Variants in NOL8 observed in about 807,000 individuals in gnomAD.
NOL8 encodes the protein nucleolar protein 8.
A neutral mutation model predicts 116.1 loss-of-function variants in NOL8; 93 were observed. The ratio of observed to expected loss-of-function variants is 0.80; its 90% confidence interval spans 0.68 to 0.95. The LOEUF (loss-of-function observed/expected upper bound fraction) is 0.95. Ranked by LOEUF, NOL8 falls within the 40% of genes least tolerant of loss-of-function variation. The pLI is 0.00. For synonymous variants in NOL8, 419 were observed against 469.0 expected, an observed-to-expected ratio of 0.89 and a Z score of 1.38; for missense variants, 1,291 against 1,382.8, an observed-to-expected ratio of 0.93 and a Z score of 1.05.
intron 5 of NOL8, 41 bp from the exon 6 acceptor site, chr9:92,318,727 A>T: frequency 7.8e-7 from 1 of 1,289,488 alleles, no homozygotes; most frequent in Admixed American, 2.6e-5. Flanking sequence ...TATGTGACAC[A>T]AATGGAAAAG....
At chr9:92,319,038 G>A in intron 5 of NOL8, 183 bp downstream of exon 5, 2 of 581,316 alleles carry the variant, frequency 3.4e-6, no homozygotes, top group Non-Finnish European at 5.5e-6. Flanking sequence ...TAAAATGATG[G>A]AGAACTATGC....
chr9:92,310,188 CTG>C lies in NOL8; in HGVS notation c.2667_2668del (p.Asp889GlufsTer2). ...GCATTTACCTTCCTGTTCCTCTTCA[CTG>C]TCAGTTTCTAGAAATCGAGAGTCCA... On this transcript the variant is annotated frameshift_variant, in exon 10 of 17. Transcript: ENST00000442668. LOFTEE classifies it high-confidence loss of function. 6.2e-7 allele frequency: 1 copy of C among 1,607,646 alleles called. No homozygotes were observed. Among genetic ancestry groups the C allele is most frequent in the South Asian group, 1.1e-5 (1 of 89,442 alleles).
intron 7 of NOL8, among the ~76,000 whole-genome samples, chr9:92,312,706 A>G (rs144966277): frequency 0.03 from 4,613 of 151,542 alleles, 108 homozygotes; most frequent in South Asian, 0.08. Context: ...AGGTGCCTGT[A>G]ATCCCAGCTA....
chr9:92,301,387 A>G (rs920451601), intron 13 of NOL8, among the ~76,000 whole-genome samples, 164 bp downstream of exon 13: 5 of 152,210 alleles, frequency 3.3e-5, no homozygotes, highest in Non-Finnish European at 7.3e-5. Flanking sequence ...TCACAGCTTC[A>G]GGAACATCGT....
chr9:92,312,827 C>CA (rs35089570), intron 7 of NOL8, among the ~76,000 whole-genome samples: 2,414 of 55,222 alleles, frequency 0.044, 86 homozygotes, highest in East Asian at 0.23. Flanking sequence ...AACTCCATCT[C>CA]AAAAAAAAAA....
chr9:92,324,627 AC>A (rs1383891172), intron 1 of NOL8: 1 of 152,132 alleles, frequency 6.6e-6, no homozygotes, highest in African/African-American at 2.4e-5. Context: ...AATTGTCTCC[AC>A]CCCCAACCTA....
intron 4 of NOL8, among the ~76,000 whole-genome samples, chr9:92,320,749 G>A (rs1413559544): frequency 6.6e-6 from 1 of 152,092 alleles, no homozygotes; most frequent in East Asian, 1.9e-4. Context: ...TGGGATTACA[G>A]GAGCCCATGA....
At chr9:92,324,925 G>C (rs1160301244) in intron 1 of NOL8, 7 of 152,132 alleles carry the variant, frequency 4.6e-5, no homozygotes, top group Non-Finnish European at 2.9e-5. Context: ...GTGAATCCAG[G>C]ATTATAATGC....
At chr9:92,314,174 A>T in intron 7 of NOL8, 93 bp downstream of exon 7, 1 of 1,421,486 alleles carries the variant, frequency 7.0e-7, no homozygotes. Flanking sequence ...ACACCAAGAC[A>T]ATCAGCTCTA....
At chr9:92,316,188 C>A in intron 6 of NOL8, 50 bp from the exon 7 acceptor site, 2 of 1,542,024 alleles carry the variant, frequency 1.3e-6, no homozygotes, top group South Asian at 1.2e-5. Context: ...TAGGAAAACT[C>A]ATCAATCTTT....
intron 4 of NOL8, among the ~76,000 whole-genome samples, chr9:92,320,950 C>T (rs1207970490): frequency 6.6e-6 from 1 of 152,176 alleles, no homozygotes; most frequent in Admixed American, 6.5e-5. Flanking sequence ...TGAAAACTCC[C>T]CAACAATACC....
chr9:92,310,917 GT>G (rs1454660008), intron 8 of NOL8: 3 of 578,370 alleles, frequency 5.2e-6, no homozygotes, highest in Non-Finnish European at 9.1e-6. Flanking sequence ...TGCAAGAACA[GT>G]TTTTGTAGCG....
rs1839056869 is a variant in NOL8, at chr9:92,313,574, ACT to A, written c.2358+691_2358+692del. ...TTCATTTTATGAACAAAATGAAACCACTAGCCTCATTTCTTGCCATCTCATGC... is the reference window on the plus strand; with the variant it reads ...TTCATTTTATGAACAAAATGAAACCAAGCCTCATTTCTTGCCATCTCATGC... On this transcript the variant is annotated intron_variant, in intron 7 of 16. Transcript: ENST00000442668. Among the ~76,000 whole-genome samples, 6 of 152,336 alleles carry A rather than the reference ACT, an allele frequency of 3.9e-5. 1 individual carries two copies. The highest frequency in any genetic ancestry group is 1.4e-4 in the African/African-American group (6 of 41,570).
chr9:92,319,812 G>A, intron 4 of NOL8: 2 of 342,376 alleles, frequency 5.8e-6, no homozygotes, highest in South Asian at 4.6e-5. Flanking sequence ...ACCAGCAACT[G>A]AGCTATACGG....
rs747719597 is a variant in NOL8, at chr9:92,311,186, G to A, written c.2432C>T (p.Ser811Leu). The change falls in exon 8 of 17, where the codon TCG (serine) becomes TTG (leucine). Residue 811 changes from serine to leucine, a missense_variant. Physicochemically the swap from Ser to Leu is moderately radical, Grantham distance 145 (BLOSUM62 -2). Coordinates refer to ENST00000442668, the MANE Select transcript of NOL8 (RefSeq NM_017948.6). ...SDSECETEET[S>L]TQEQSHPGEE... ...TCCTGGATGGCTCTGCTCCTGAGTC[G>A]ATGTCTCCTCTGTTTCACATTCACT... is the stretch of plus-strand genomic sequence containing the variant. The A allele has an allele frequency of 1.4e-5, 22 of 1,613,636 alleles. No individual in the cohort carries two copies. The South Asian group carries it at 1.8e-4, about 13-fold the overall frequency.
At position 92,315,155 on chromosome 9, in the gene NOL8, A is replaced by G; in HGVS notation, c.1470T>C (p.Asp490=). 1.2e-6 allele frequency: 2 copies of G among 1,614,002 alleles called. No individual in the cohort carries two copies. The highest frequency in any genetic ancestry group is 1.7e-6 in the Non-Finnish European group (2 of 1,179,880). The part of the protein sequence containing the change: ...NCLRVNLTLA[D]LEQLAGSDLK... ...GATCACTGCCAGCCAATTGTTCCAA[A>G]TCAGCTAAAGTGAGATTCACACGAA... The change falls in exon 7 of 17, where the codon GAT becomes GAC. Residue 490 remains aspartate (D), a synonymous_variant. Transcript: ENST00000442668.
At chr9:92,317,376 T>C (rs920271772) in intron 6 of NOL8, among the ~76,000 whole-genome samples, 1 of 152,216 alleles carries the variant, frequency 6.6e-6, no homozygotes, top group Non-Finnish European at 1.5e-5. Context: ...TCTTCCTCTT[T>C]GCCATCAGCA....
intron 6 of NOL8, 63 bp downstream of exon 6, chr9:92,318,555 T>C (rs774243026): frequency 1.7e-6 from 2 of 1,170,146 alleles, no homozygotes; most frequent in Non-Finnish European, 2.5e-6. Flanking sequence ...AGTGAAATGC[T>C]AAAGGTATTT....
At chr9:92,319,940 T>C (rs1839783963) in intron 4 of NOL8, 7 of 410,854 alleles carry the variant, frequency 1.7e-5, no homozygotes, top group Admixed American at 1.3e-4. Context: ...TGCACGCTTA[T>C]ACCTGTGCTC....
Sources: allele counts gnomAD v4.1 joint callset (sites outside exome capture counted in the v4.1 genomes callset), GRCh38; gene constraint gnomAD v4.1.1; transcripts MANE v1.5; gene names NCBI Gene and HGNC (gene_info 2026-07-23, HGNC 2026-07-21).